The following PKP4 variants were observed in gnomAD, a reference collection of about 807,000 sequenced individuals.
The protein encoded by PKP4 is plakophilin-4.
In PKP4, 90 loss-of-function variants were observed where a neutral mutation model predicts 145.1. The ratio of observed to expected loss-of-function variants is 0.62; its 90% CI spans 0.52 to 0.74. The LOEUF is 0.74. Among genes scored for constraint, PKP4 ranks in the 30% least tolerant of loss-of-function variants. PKP4 has a pLI of 0.00. For missense variants in PKP4, 1,340 were observed against 1,482.7 expected, an observed-to-expected ratio of 0.90 and a Z score of 1.58; for synonymous variants, 563 against 577.2, an observed-to-expected ratio of 0.98 and a Z score of 0.35.
chr2:158,653,113 G>A (rs1201050088), intron 11 of PKP4, among the ~76,000 whole-genome samples: 1 of 152,098 alleles, frequency 6.6e-6, no homozygotes, highest in Non-Finnish European at 1.5e-5. Flanking sequence ...AATATAATTA[G>A]GAAACATGGC....
At chr2:158,661,288 G>T (rs1475504130) in intron 12 of PKP4, 45 bp from the exon 13 acceptor site, 13 of 1,392,016 alleles carry the variant, frequency 9.3e-6, no homozygotes, top group Non-Finnish European at 1.2e-5. Flanking sequence ...TGGCTGATGA[G>T]TGCATGGTTC....
In PKP4 at chr2:158,559,088, G is replaced by GT. The variant is rs200726811; in HGVS notation, c.133-18178dup. Among the ~76,000 whole-genome samples, 16 of 152,328 alleles carry GT rather than the reference G, an allele frequency of 1.1e-4. No homozygotes were observed. The East Asian group carries it at 2.9e-3, about 28-fold the overall frequency. On this transcript the variant is annotated intron_variant, in intron 2 of 21. Coordinates refer to ENST00000389759, the MANE Select transcript of PKP4 (RefSeq NM_003628.6). ...CTCTCATGAATGGAAGGCCTTGTCTGTTTTTAGATTTCAGGCTCCAGTGTG... is the reference window on the plus strand; with the variant it reads ...CTCTCATGAATGGAAGGCCTTGTCTGTTTTTTAGATTTCAGGCTCCAGTGTG...
chr2:158,619,204 C>G (rs567405260), intron 4 of PKP4, among the ~76,000 whole-genome samples: 1 of 152,322 alleles, frequency 6.6e-6, no homozygotes, highest in East Asian at 1.9e-4. Flanking sequence ...GTTTAGAACT[C>G]TGGAAAACTC....
intron 1 of PKP4, among the ~76,000 whole-genome samples, chr2:158,496,888 ATTCTTCCTGTAAAAAGACATTTAGG>A (rs1468407039): frequency 6.6e-6 from 1 of 151,828 alleles, no homozygotes; most frequent in Non-Finnish European, 1.5e-5. Context: ...CCTATTATGA[ATTCTTCCTGTAAAAAGACATTTAGG>A]TTCCTGCACT....
At chr2:158,505,406 A>T (rs2040874700) in intron 1 of PKP4, among the ~76,000 whole-genome samples, 4 of 110,786 alleles carry the variant, frequency 3.6e-5, no homozygotes, top group Admixed American at 3.2e-4. Context: ...ACCACTAAGG[A>T]GCTCTTGGAG....
At chr2:158,656,160 G>A (rs7588964) in intron 11 of PKP4, among the ~76,000 whole-genome samples, 2,139 of 152,206 alleles carry the variant, frequency 0.014, 52 homozygotes, top group African/African-American at 0.05. Flanking sequence ...GGAGCCTTAC[G>A]ACCAATTCTT....
chr2:158,505,936 C>G (rs887964379), intron 1 of PKP4, among the ~76,000 whole-genome samples: 4 of 152,058 alleles, frequency 2.6e-5, no homozygotes, highest in Admixed American at 2.0e-4. Flanking sequence ...GGAGGCGCAT[C>G]CCTCAACTGT....
intron 1 of PKP4, among the ~76,000 whole-genome samples, chr2:158,528,976 A>T (rs1431418505): frequency 6.6e-6 from 1 of 152,178 alleles, no homozygotes; most frequent in East Asian, 1.9e-4. Context: ...AACTTGTTTA[A>T]TCTTAGTGTT....
intron 4 of PKP4, among the ~76,000 whole-genome samples, chr2:158,611,410 A>G (rs1363998938): frequency 6.6e-6 from 1 of 152,218 alleles, no homozygotes; most frequent in East Asian, 1.9e-4. Flanking sequence ...TTGTTTCTAA[A>G]ATGTATAGAT....
intron 1 of PKP4, among the ~76,000 whole-genome samples, chr2:158,459,641 CT>C (rs753278688): frequency 6.6e-6 from 1 of 152,134 alleles, no homozygotes; most frequent in Non-Finnish European, 1.5e-5. Flanking sequence ...CAACAGGAAA[CT>C]TTTATTATGT....
intron 1 of PKP4, among the ~76,000 whole-genome samples, chr2:158,517,021 AT>A (rs2041994309): frequency 6.6e-6 from 1 of 152,114 alleles, no homozygotes; most frequent in South Asian, 2.1e-4. Flanking sequence ...TCTTTAAGCA[AT>A]TTTACTTTGT....
chr2:158,464,648 C>T (rs1304637752), intron 1 of PKP4, among the ~76,000 whole-genome samples: 2 of 152,178 alleles, frequency 1.3e-5, no homozygotes, highest in South Asian at 2.1e-4. Flanking sequence ...CAAAATAAAC[C>T]CTTGAAGAAC....
At chr2:158,608,114 A>G (rs900532458) in intron 4 of PKP4, among the ~76,000 whole-genome samples, 1 of 152,250 alleles carries the variant, frequency 6.6e-6, no homozygotes, top group African/African-American at 2.4e-5. Context: ...ACTATTCTCC[A>G]TGATGTGATT....
intron 2 of PKP4, among the ~76,000 whole-genome samples, chr2:158,557,252 T>A (rs2046175494): frequency 6.6e-6 from 1 of 152,074 alleles, no homozygotes; most frequent in East Asian, 1.9e-4. Context: ...ACTTAATGAA[T>A]AATAGCCAGT....
intron 11 of PKP4, among the ~76,000 whole-genome samples, chr2:158,646,217 A>G (rs1224938291): frequency 6.6e-6 from 1 of 152,236 alleles, no homozygotes; most frequent in Admixed American, 6.5e-5. Context: ...GGAGACATTA[A>G]GAATTGCTTT....
intron 2 of PKP4, among the ~76,000 whole-genome samples, chr2:158,566,479 A>AATATATATATATATAT (rs561964313): frequency 6.0e-5 from 9 of 151,250 alleles, no homozygotes; most frequent in African/African-American, 2.2e-4. Context: ...ATAATTTTGA[A>AATATATATATATATAT]ATATATATAT....
chr2:158,465,892 A>T (rs1297743733), intron 1 of PKP4, among the ~76,000 whole-genome samples: 1 of 152,226 alleles, frequency 6.6e-6, no homozygotes, highest in South Asian at 2.1e-4. Flanking sequence ...AACAACTCAG[A>T]TGTTAAAGGT....
intron 1 of PKP4, among the ~76,000 whole-genome samples, chr2:158,508,194 TA>T (rs3048021): frequency 0.11 from 16,569 of 145,762 alleles, 1,179 homozygotes; most frequent in Non-Finnish European, 0.15. Flanking sequence ...CCGTCTCTAT[TA>T]AAAAAAAAAA....
chr2:158,612,105 C>T (rs1053111982), intron 4 of PKP4, among the ~76,000 whole-genome samples: 3 of 150,998 alleles, frequency 2.0e-5, no homozygotes, highest in African/African-American at 7.3e-5. Context: ...ACCAACACAC[C>T]TACACAACTG....
Sources: allele counts gnomAD v4.1 joint callset (sites outside exome capture counted in the v4.1 genomes callset), GRCh38; gene constraint gnomAD v4.1.1; transcripts MANE v1.5; gene names NCBI Gene and HGNC (gene_info 2026-07-23, HGNC 2026-07-21).